Variants in TRPM3 observed in about 807,000 individuals in gnomAD.
The protein encoded by TRPM3 is long transient receptor potential channel 3.
A neutral mutation model predicts 181.2 loss-of-function variants in TRPM3; 77 were observed. The observed-to-expected ratio is 0.42, with a 90% CI of 0.35 to 0.51. The LOEUF (loss-of-function observed/expected upper bound fraction) is 0.51. TRPM3 is among the 20% of genes least tolerant of loss of function. The probability of loss-of-function intolerance (pLI) is 0.01; values close to 1 mark genes in which losing one functional copy is unlikely to be tolerated. For synonymous variants in TRPM3, 745 were observed against 796.4 expected, an observed-to-expected ratio of 0.94 and a Z score of 1.09; for missense variants, 1,759 against 2,196.7, an observed-to-expected ratio of 0.80 and a Z score of 3.98.
At chr9:70,618,375 G>C (rs2063112293) in intron 17 of TRPM3, among the ~76,000 whole-genome samples, 1 of 152,194 alleles carries the variant, frequency 6.6e-6, no homozygotes, top group African/African-American at 2.4e-5. Context: ...GAATAGATTA[G>C]GATTATCTAG....
In TRPM3 at chr9:71,306,177, T is replaced by C. The variant is rs975949111; in HGVS notation, c.183+140476A>G. Among the ~76,000 whole-genome samples the C allele has an allele frequency of 2.0e-5, 3 of 152,306 alleles. No individual in the cohort carries two copies. In the East Asian group the frequency reaches 5.8e-4, roughly 29 times the overall value. ...CCTGAACTATTATCACGAACTTGTTTGGTTATAGTTTAGAAGATGAAAAAA... is the reference window on the plus strand; with the variant it reads ...CCTGAACTATTATCACGAACTTGTTCGGTTATAGTTTAGAAGATGAAAAAA... On this transcript the variant is annotated intron_variant, in intron 1 of 24. Transcript: ENST00000357533.
intron 1 of TRPM3, among the ~76,000 whole-genome samples, chr9:71,103,195 G>C (rs1305003770): frequency 6.6e-6 from 1 of 152,098 alleles, no homozygotes; most frequent in Admixed American, 6.5e-5. Context: ...GTTTGAAACT[G>C]TATCAAACAC....
At chr9:70,631,172 C>T (rs748131077) in intron 12 of TRPM3, among the ~76,000 whole-genome samples, 7 of 152,116 alleles carry the variant, frequency 4.6e-5, no homozygotes, top group East Asian at 1.9e-4. Context: ...AGTAATCACC[C>T]GGTAGGGGCT....
At chr9:71,045,779 T>C (rs977587679) in intron 1 of TRPM3, among the ~76,000 whole-genome samples, 4 of 152,312 alleles carry the variant, frequency 2.6e-5, no homozygotes, top group East Asian at 1.9e-4. Context: ...ATCCGGTGCT[T>C]CCCACAGAGT....
Position 70,765,489 on chromosome 9 carries a change from C to T in TRPM3, c.1149-3765G>A, listed in dbSNP as rs528355732. 5.9e-5 allele frequency among the ~76,000 whole-genome samples: 9 copies of T among 152,234 alleles called. 1 individual carries two copies. In the East Asian group the frequency reaches 1.7e-3, roughly 29 times the overall value. On this transcript the variant is annotated intron_variant, in intron 7 of 25. Coordinates refer to ENST00000677713, the MANE Select transcript of TRPM3 (RefSeq NM_001366145.2). ...GCCTGTAATCCCAGCTACTCAGAGG[C>T]TGAGGTGTGGGGATTGCTTGAGCCT...
intron 1 of TRPM3, among the ~76,000 whole-genome samples, chr9:71,319,225 T>C (rs932020591): frequency 1.7e-5 from 2 of 114,470 alleles, no homozygotes; most frequent in African/African-American, 2.7e-5. Context: ...AGTCTACACA[T>C]AGAGACCTAG....
chr9:70,672,726 T>C (rs954496887), intron 9 of TRPM3, among the ~76,000 whole-genome samples: 1 of 152,166 alleles, frequency 6.6e-6, no homozygotes, highest in Non-Finnish European at 1.5e-5. Flanking sequence ...CATTTCTTCC[T>C]TAAGTTCTGG....
intron 9 of TRPM3, among the ~76,000 whole-genome samples, chr9:70,678,431 T>A (rs1004897990): frequency 1.1e-4 from 16 of 152,208 alleles, no homozygotes; most frequent in African/African-American, 2.4e-5. Flanking sequence ...TTTTTGTCTC[T>A]CTCTTTCTTC....
In TRPM3 at chr9:70,553,287, G is replaced by A. The variant is rs2046876494; in HGVS notation, c.3247C>T (p.Arg1083Ter). 2.5e-6 allele frequency: 4 copies of A among 1,614,026 alleles called. No individual in the cohort carries two copies. Among genetic ancestry groups the A allele is most frequent in the Non-Finnish European group, 3.4e-6 (4 of 1,180,018 alleles). ...AGCTGGATTATTTTACCATCCTCTC[G>A]GGTCTCATTCTGTCCACAGGGAGCT... The part of the protein sequence containing the change: ...IDPPCGQNET[R>*]EDGKIIQLPP... The change falls in exon 23 of 26, where the codon CGA becomes TGA. Residue 1083 changes from arginine to a stop codon, truncating the protein, a stop_gained. Transcript: ENST00000677713. LOFTEE classifies it high-confidence loss of function.
intron 1 of TRPM3, among the ~76,000 whole-genome samples, chr9:70,978,205 T>C (rs535222971): frequency 3.9e-4 from 60 of 152,322 alleles, no homozygotes; most frequent in Admixed American, 1.3e-3. Context: ...GCCAAATACG[T>C]ATTTCTTATA....
At chr9:71,236,464 A>G (rs1378613350) in intron 1 of TRPM3, among the ~76,000 whole-genome samples, 1 of 152,158 alleles carries the variant, frequency 6.6e-6, no homozygotes. Flanking sequence ...TAGCAGGAAA[A>G]GTTTAGGAAA....
At chr9:71,235,859 T>C (rs888580143) in intron 1 of TRPM3, among the ~76,000 whole-genome samples, 1 of 152,216 alleles carries the variant, frequency 6.6e-6, no homozygotes, top group African/African-American at 2.4e-5. Context: ...TGCTTCTGTA[T>C]TATCCCAAGC....
intron 1 of TRPM3, among the ~76,000 whole-genome samples, chr9:71,187,053 A>C (rs2077723183): frequency 6.6e-6 from 1 of 152,036 alleles, no homozygotes. Flanking sequence ...TCTGATGTGT[A>C]ATTACTAGTA....
intron 5 of TRPM3, among the ~76,000 whole-genome samples, chr9:70,836,165 C>T (rs1589048136): frequency 6.6e-6 from 1 of 152,142 alleles, no homozygotes; most frequent in Non-Finnish European, 1.5e-5. Context: ...TCCCATTCTC[C>T]TTCAGTGACA....
chr9:70,601,401 A>G (rs1412872589), intron 20 of TRPM3, among the ~76,000 whole-genome samples: 1 of 152,204 alleles, frequency 6.6e-6, no homozygotes, highest in Non-Finnish European at 1.5e-5. Context: ...GCACCAAAGC[A>G]TGCAAACTTT....
chr9:71,277,919 T>A (rs1261688732), intron 1 of TRPM3, among the ~76,000 whole-genome samples: 2 of 152,116 alleles, frequency 1.3e-5, no homozygotes, highest in South Asian at 2.1e-4. Flanking sequence ...GGTTATTTTT[T>A]AAAAACATAA....
chr9:71,182,169 C>A (rs565774009), intron 1 of TRPM3, among the ~76,000 whole-genome samples: 2 of 151,932 alleles, frequency 1.3e-5, no homozygotes, highest in African/African-American at 4.8e-5. Context: ...TTTTTTTTCT[C>A]AAACATGTAT....
At chr9:70,907,132 T>C (rs1176943227) in intron 1 of TRPM3, among the ~76,000 whole-genome samples, 2 of 152,218 alleles carry the variant, frequency 1.3e-5, no homozygotes, top group East Asian at 3.9e-4. Context: ...CCACTGATTC[T>C]ATATGTTTAA....
chr9:70,631,240 C>G (rs1299141124), intron 12 of TRPM3, among the ~76,000 whole-genome samples: 2 of 152,134 alleles, frequency 1.3e-5, no homozygotes, highest in African/African-American at 2.4e-5. Context: ...AGCCCCTTAA[C>G]ATGGCAATAT....
Sources: allele counts gnomAD v4.1 joint callset (sites outside exome capture counted in the v4.1 genomes callset), GRCh38; gene constraint gnomAD v4.1.1; transcripts MANE v1.5; gene names NCBI Gene and HGNC (gene_info 2026-07-23, HGNC 2026-07-21).